The following PTK2B variants were observed in gnomAD, a reference collection of about 807,000 sequenced individuals.
PTK2B encodes the protein protein-tyrosine kinase 2-beta.
PTK2B carries 71 observed loss-of-function variants against 142.9 expected under a neutral mutation model. That is an observed-to-expected ratio of 0.50 (90% CI 0.41 to 0.61). The LOEUF (loss-of-function observed/expected upper bound fraction) is 0.61, where lower values mean the gene tolerates loss of function less well. Ranked by LOEUF, PTK2B falls within the 20% of genes least tolerant of loss-of-function variation. PTK2B has a pLI of 0.00. For missense variants in PTK2B, 1,105 were observed against 1,320.4 expected, an observed-to-expected ratio of 0.84 and a Z score of 2.53; for synonymous variants, 519 against 503.4, an observed-to-expected ratio of 1.03 and a Z score of -0.42.
chr8:27,379,188 T>G (rs149092171), intron 1 of PTK2B, among the ~76,000 whole-genome samples: 1 of 152,214 alleles, frequency 6.6e-6, no homozygotes. Flanking sequence ...AGATGTATCA[T>G]GGAAATCAAA....
intron 5 of PTK2B, among the ~76,000 whole-genome samples, chr8:27,424,481 C>A (rs532185531): frequency 1.3e-5 from 2 of 152,218 alleles, no homozygotes; most frequent in Non-Finnish European, 2.9e-5. Context: ...TGTTTCACAT[C>A]TCCTGAGTGT....
chr8:27,349,234 A>T (rs373644366), intron 1 of PTK2B, among the ~76,000 whole-genome samples: 2 of 152,272 alleles, frequency 1.3e-5, no homozygotes, highest in South Asian at 2.1e-4. Context: ...CCAATCCCAG[A>T]TCCCTTTTTC....
At chr8:27,353,080 G>A (rs1805192073) in intron 1 of PTK2B, among the ~76,000 whole-genome samples, 1 of 152,206 alleles carries the variant, frequency 6.6e-6, no homozygotes, top group African/African-American at 2.4e-5. Context: ...GAGAAGTGGA[G>A]AACCACATTT....
chr8:27,457,975 CAAAAAAAAAA>C (rs11317355), intron 30 of PTK2B, among the ~76,000 whole-genome samples: 6 of 94,032 alleles, frequency 6.4e-5, no homozygotes, highest in Admixed American at 2.1e-4. Flanking sequence ...AACTCAGTCT[CAAAAAAAAAA>C]AAAAAAAAAA....
chr8:27,444,830 C>T (rs764805987), intron 23 of PTK2B, among the ~76,000 whole-genome samples: 1 of 152,080 alleles, frequency 6.6e-6, no homozygotes, highest in Non-Finnish European at 1.5e-5. Context: ...CTCTTGCATC[C>T]CCCAGCTCAG....
chr8:27,430,030 C>T (rs1401347096), intron 5 of PTK2B, 63 bp from the exon 6 acceptor site: 3 of 1,479,182 alleles, frequency 2.0e-6, no homozygotes, highest in Non-Finnish European at 2.8e-6. Flanking sequence ...GCATGAGGTG[C>T]CCTGGGTCTG....
chr8:27,330,059 TG>T (rs1298899075), intron 1 of PTK2B, among the ~76,000 whole-genome samples: 1 of 152,120 alleles, frequency 6.6e-6, no homozygotes, highest in Non-Finnish European at 1.5e-5. Flanking sequence ...TTGTGGAGTC[TG>T]GGGGTGGAAG....
chr8:27,451,027 G>A lies in PTK2B; in HGVS notation c.2488-16G>A, dbSNP rs758933444. The stretch of plus-strand genomic sequence containing the variant: ...CCAGAATTCTTAGTCCTTCGCTCTT[G>A]TTTCTTCCTCTGCAGGACCCCATGG... On this transcript the variant is annotated splice_polypyrimidine_tract_variant and intron_variant, in intron 25 of 30. Coordinates refer to ENST00000346049, the MANE Select transcript of PTK2B (RefSeq NM_173176.3). 1 of 1,612,536 alleles carries A rather than the reference G, an allele frequency of 6.2e-7. No homozygotes were observed. The highest frequency in any genetic ancestry group is 2.2e-5 in the East Asian group (1 of 44,862).
At chr8:27,395,467 C>T (rs1196181897) in intron 1 of PTK2B, among the ~76,000 whole-genome samples, 1 of 152,188 alleles carries the variant, frequency 6.6e-6, no homozygotes, top group African/African-American at 2.4e-5. Context: ...TAGGGAAAGG[C>T]ATGCTTTTCT....
intron 1 of PTK2B, among the ~76,000 whole-genome samples, chr8:27,353,919 CAG>C (rs1034952097): frequency 2.0e-5 from 3 of 152,208 alleles, no homozygotes; most frequent in Non-Finnish European, 4.4e-5. Context: ...TTGCAGATGA[CAG>C]AAACCCAAAA....
chr8:27,457,975 C>CAAAA (rs11317355), intron 30 of PTK2B, among the ~76,000 whole-genome samples: 1 of 94,046 alleles, frequency 1.1e-5, no homozygotes, highest in Non-Finnish European at 2.1e-5. Flanking sequence ...AACTCAGTCT[C>CAAAA]AAAAAAAAAA....
rs3076735 is a variant in PTK2B at position 27,405,035 on chromosome 8, C to CTCTCTCTCTCTCTCTCTCTCT, written c.204+7247_204+7248insTCTCTCTCTCTCTCTCTCTCT. 5.0e-5 allele frequency among the ~76,000 whole-genome samples: 6 copies of CTCTCTCTCTCTCTCTCTCTCT among 119,632 alleles called. 1 individual carries two copies. The highest frequency in any genetic ancestry group is 2.1e-4 in the African/African-American group (6 of 28,962). 78.5% of individuals were successfully genotyped at this position (119,632 alleles called of 152,430 possible). On this transcript the variant is annotated intron_variant, in intron 2 of 30. Transcript: ENST00000346049. ...CTCCCTCCCTTCCTCTCTTTCTCTT[C>CTCTCTCTCTCTCTCTCTCTCT]CTCTCTCTCTCTCTCTCTCTCTCTC...
chr8:27,361,043 C>A (rs1290241661), intron 1 of PTK2B, among the ~76,000 whole-genome samples: 1 of 152,096 alleles, frequency 6.6e-6, no homozygotes, highest in East Asian at 1.9e-4. Context: ...GTAGTAAAGT[C>A]TGGGCTTGTA....
At chr8:27,423,169 CATAATT>C (rs1476118522) in intron 5 of PTK2B, among the ~76,000 whole-genome samples, 1 of 152,098 alleles carries the variant, frequency 6.6e-6, no homozygotes, top group Non-Finnish European at 1.5e-5. Context: ...GTTAGAATGA[CATAATT>C]AGAATGACAG....
chr8:27,437,144 C>G lies in PTK2B; in HGVS notation c.1364C>G (p.Ala455Gly). 1 of 1,614,006 alleles carries G rather than the reference C, an allele frequency of 6.2e-7. No individual in the cohort carries two copies. Among genetic ancestry groups the G allele is most frequent in the Non-Finnish European group, 8.5e-7 (1 of 1,179,926 alleles). ...TNHKGEKINV[A>G]VKTCKKDCTL... is the part of the protein sequence containing the mutation. ...CAGAAAGGGGAGAAAATCAATGTAG[C>G]TGTCAAGACCTGCAAGAAAGACTGC... The change falls in exon 16 of 31, where the codon GCT becomes GGT. Residue 455 changes from alanine (A) to glycine (G), a missense_variant. Physicochemically the swap from Ala to Gly is moderately conservative, Grantham distance 60. Coordinates refer to ENST00000346049, the MANE Select transcript of PTK2B (RefSeq NM_173176.3).
chr8:27,327,178 G>T (rs2322719), intron 1 of PTK2B, among the ~76,000 whole-genome samples: 1 of 151,926 alleles, frequency 6.6e-6, no homozygotes. Flanking sequence ...AATGAAAGTA[G>T]CTGGGCTTGT....
chr8:27,364,808 T>G (rs1586167306), intron 1 of PTK2B, among the ~76,000 whole-genome samples: 2 of 152,220 alleles, frequency 1.3e-5, no homozygotes, highest in East Asian at 3.9e-4. Flanking sequence ...GATTCCACCT[T>G]GGGACATCTT....
chr8:27,412,348 C>G (rs754840917), intron 2 of PTK2B, among the ~76,000 whole-genome samples: 127 of 152,258 alleles, frequency 8.3e-4, no homozygotes, highest in Non-Finnish European at 1.6e-3. Flanking sequence ...CATGAATCAC[C>G]TCATTAGTAT....
intron 2 of PTK2B, among the ~76,000 whole-genome samples, chr8:27,399,401 G>A (rs17376241): frequency 0.36 from 54,346 of 152,082 alleles, 10,745 homozygotes; most frequent in Middle Eastern, 0.5. Flanking sequence ...CAGTTTGACT[G>A]GAGTATGGAT....
Sources: gnomAD v4.1 joint callset for allele counts (sites outside exome capture counted in the v4.1 genomes callset) on GRCh38, gnomAD v4.1.1 for gene constraint, MANE v1.5 for transcripts, NCBI Gene and HGNC (gene_info 2026-07-23, HGNC 2026-07-21) for gene names.